MSRA: variants seen among roughly 807,000 people sequenced by gnomAD.
MSRA encodes methionine sulfoxide reductase A.
Under a neutral mutation model 31.3 loss-of-function variants are expected in MSRA, and 54 were observed. That is an observed-to-expected ratio of 1.73 (90% CI 1.39 to 2.17). MSRA has a LOEUF of 2.17. Among genes scored for constraint, MSRA ranks in the 30% most tolerant of loss-of-function variants. The probability of loss-of-function intolerance (pLI) is 0.00; values close to 1 mark genes in which losing one functional copy is unlikely to be tolerated. For missense variants in MSRA, 507 were observed against 300.9 expected (o/e 1.69, Z -5.07); for synonymous variants, 169 against 116.5 (o/e 1.45, Z -2.90).
intron 5 of MSRA, chr8:10,337,772 G>A (rs751804168): frequency 5.7e-6 from 4 of 702,556 alleles, no homozygotes; most frequent in African/African-American, 1.7e-5. Flanking sequence ...TGCTCAACTC[G>A]CCTGGGTGCA....
At chr8:10,173,789 G>C (rs1024597011) in intron 1 of MSRA, among the ~76,000 whole-genome samples, 1 of 152,124 alleles carries the variant, frequency 6.6e-6, no homozygotes, top group Non-Finnish European at 1.5e-5. Flanking sequence ...TGTGTGCCTA[G>C]TCTGTCCCAT....
chr8:10,266,603 A>G (rs1466883825), intron 3 of MSRA, among the ~76,000 whole-genome samples: 1 of 150,532 alleles, frequency 6.6e-6, no homozygotes, highest in Non-Finnish European at 1.5e-5. Context: ...GATCCAGTCT[A>G]TCGGTTTTTT....
intron 1 of MSRA, among the ~76,000 whole-genome samples, chr8:10,172,017 T>C (rs1585087844): frequency 1.3e-5 from 2 of 152,212 alleles, no homozygotes; most frequent in Admixed American, 1.3e-4. Flanking sequence ...ATATCCCATA[T>C]ATCATAGTAA....
intron 1 of MSRA, among the ~76,000 whole-genome samples, chr8:10,202,536 C>G (rs1367760994): frequency 6.6e-6 from 1 of 152,206 alleles, no homozygotes; most frequent in African/African-American, 2.4e-5. Flanking sequence ...CACATGATGC[C>G]TCTAAGCGAT....
intron 5 of MSRA, among the ~76,000 whole-genome samples, chr8:10,383,089 T>TA (rs1458904926): frequency 6.6e-6 from 1 of 152,118 alleles, no homozygotes; most frequent in African/African-American, 2.4e-5. Context: ...GACCCTTGGG[T>TA]AAACATCTGA....
intron 1 of MSRA, among the ~76,000 whole-genome samples, chr8:10,086,394 T>G (rs144338896): frequency 1.8e-4 from 27 of 152,356 alleles, no homozygotes; most frequent in African/African-American, 6.3e-4. Context: ...AGTTAGCCTT[T>G]GAAGAAGCAC....
chr8:10,075,889 G>A (rs937263228), intron 1 of MSRA, among the ~76,000 whole-genome samples: 3 of 152,174 alleles, frequency 2.0e-5, no homozygotes, highest in Non-Finnish European at 2.9e-5. Flanking sequence ...CATTTATGCC[G>A]TGGAGTGTGA....
chr8:10,356,083 C>T (rs982538689), intron 5 of MSRA, among the ~76,000 whole-genome samples: 6 of 152,170 alleles, frequency 3.9e-5, no homozygotes, highest in Admixed American at 6.5e-5. Context: ...GGAGCTGGGA[C>T]TAAGTGGTCT....
chr8:10,333,476 ACCACAGGGAGGTC>A (rs1422808793), intron 5 of MSRA, among the ~76,000 whole-genome samples: 1 of 151,980 alleles, frequency 6.6e-6, no homozygotes, highest in Non-Finnish European at 1.5e-5. Context: ...GCGGAGAAAA[ACCACAGGGAGGTC>A]CCCGATGACT....
intron 1 of MSRA, among the ~76,000 whole-genome samples, chr8:10,065,084 C>A (rs890531102): frequency 6.6e-6 from 1 of 152,046 alleles, no homozygotes; most frequent in African/African-American, 2.4e-5. Flanking sequence ...TTACAAAGAG[C>A]CACCTCATCT....
In MSRA at chr8:10,373,244, A is replaced by T. The variant is rs185406621; in HGVS notation, c.543+53255A>T. Among the ~76,000 whole-genome samples, 3 of 152,350 alleles carry T rather than the reference A, an allele frequency of 2.0e-5. No individual in the cohort carries two copies. In the East Asian group the frequency reaches 5.8e-4, roughly 29 times the overall value. On this transcript the variant is annotated intron_variant, in intron 5 of 5. Transcript: ENST00000317173. Reference sequence around the variant, plus strand: ...TGTCTAATCCCCCATCCAGTTCATGAAATAGGTACTGTTTTTACTGACATT... The same window carrying T: ...TGTCTAATCCCCCATCCAGTTCATGTAATAGGTACTGTTTTTACTGACATT...
At chr8:10,412,709 G>A (rs944233854) in intron 5 of MSRA, among the ~76,000 whole-genome samples, 16 of 152,208 alleles carry the variant, frequency 1.1e-4, no homozygotes, top group African/African-American at 2.9e-4. Context: ...AAATAGGAAC[G>A]TTAAAAGGTG....
intron 3 of MSRA, among the ~76,000 whole-genome samples, chr8:10,294,149 C>T (rs148175818): frequency 0.017 from 2,515 of 152,116 alleles, 32 homozygotes; most frequent in Non-Finnish European, 0.026. Context: ...TCCAGTGAAC[C>T]GAGATTGCAC....
At chr8:10,327,896 G>T (rs796206170) in intron 5 of MSRA, among the ~76,000 whole-genome samples, 9 of 152,188 alleles carry the variant, frequency 5.9e-5, no homozygotes, top group African/African-American at 1.7e-4. Flanking sequence ...TTGCGCCACT[G>T]CACTCCAGCC....
At chr8:10,194,061 G>A (rs1585137423) in intron 1 of MSRA, among the ~76,000 whole-genome samples, 1 of 152,270 alleles carries the variant, frequency 6.6e-6, no homozygotes, top group East Asian at 1.9e-4. Flanking sequence ...TAACAGAAAG[G>A]ATGAGAGGGA....
chr8:10,383,052 A>C (rs1288580866), intron 5 of MSRA, among the ~76,000 whole-genome samples: 1 of 152,238 alleles, frequency 6.6e-6, no homozygotes, highest in Non-Finnish European at 1.5e-5. Context: ...GGAAACAGGC[A>C]TGAGAGAATG....
intron 2 of MSRA, among the ~76,000 whole-genome samples, chr8:10,236,947 A>C (rs1281767129): frequency 6.6e-6 from 1 of 152,214 alleles, no homozygotes; most frequent in Non-Finnish European, 1.5e-5. Flanking sequence ...TTGTTTTCAT[A>C]GTAGTAAAAT....
At chr8:10,337,404 C>T (rs1391348758) in intron 5 of MSRA, 1 of 275,746 alleles carries the variant, frequency 3.6e-6, no homozygotes, top group Admixed American at 5.1e-5. Context: ...TGATCTGGAT[C>T]TCCTGACCTC....
At chr8:10,402,313 C>G (rs1455453999) in intron 5 of MSRA, among the ~76,000 whole-genome samples, 2 of 152,238 alleles carry the variant, frequency 1.3e-5, no homozygotes, top group African/African-American at 4.8e-5. Flanking sequence ...GCCTCCTATT[C>G]CAGCTCCTGC....
Sources: gnomAD v4.1 joint callset for allele counts (sites outside exome capture counted in the v4.1 genomes callset) on GRCh38, gnomAD v4.1.1 for gene constraint, MANE v1.5 for transcripts, NCBI Gene and HGNC (gene_info 2026-07-23, HGNC 2026-07-21) for gene names.